The following PIK3CB variants were observed in gnomAD, a reference collection of about 807,000 sequenced individuals.
The protein encoded by PIK3CB is phosphatidylinositol-4,5-bisphosphate 3-kinase catalytic subunit beta, also known as phosphatidylinositol 4,5-bisphosphate 3-kinase catalytic subunit beta isoform.
A neutral mutation model predicts 136.8 loss-of-function variants in PIK3CB; 39 were observed. The observed-to-expected ratio is 0.29, with a 90% CI of 0.22 to 0.37. The LOEUF (loss-of-function observed/expected upper bound fraction) is 0.37, where lower values mean the gene tolerates loss of function less well. Ranked by LOEUF, PIK3CB falls within the 10% of genes least tolerant of loss-of-function variation. The pLI, the probability that PIK3CB is intolerant of heterozygous loss-of-function variation, is 1.00. For synonymous variants in PIK3CB, 428 were observed against 436.6 expected, an observed-to-expected ratio of 0.98 and a Z score of 0.25; for missense variants, 868 against 1,275.4, an observed-to-expected ratio of 0.68 and a Z score of 4.87.
intron 21 of PIK3CB, among the ~76,000 whole-genome samples, chr3:138,658,058 T>A (rs1337796344): frequency 6.6e-6 from 1 of 152,152 alleles, no homozygotes; most frequent in Admixed American, 6.5e-5. Context: ...ACTGTAGATA[T>A]CTAGTGGAAA....
intron 15 of PIK3CB, 85 bp downstream of exon 15, chr3:138,690,915 C>G: frequency 9.4e-7 from 1 of 1,068,468 alleles, no homozygotes; most frequent in Non-Finnish European, 1.4e-6. Flanking sequence ...AAAACTAAAG[C>G]AGCTATTTTT....
intron 2 of PIK3CB, among the ~76,000 whole-genome samples, chr3:138,787,315 G>A (rs746230177): frequency 5.4e-5 from 8 of 148,410 alleles, no homozygotes; most frequent in African/African-American, 7.5e-5. Flanking sequence ...CCAGTGAGCC[G>A]AGATCGCACC....
intron 1 of PIK3CB, among the ~76,000 whole-genome samples, chr3:138,812,682 C>A (rs1393115381): frequency 6.6e-6 from 1 of 152,120 alleles, no homozygotes; most frequent in East Asian, 1.9e-4. Context: ...CATGTGCCAC[C>A]ACGCCCAGCT....
chr3:138,780,265 GTTTT>G (rs1453662960), intron 2 of PIK3CB, among the ~76,000 whole-genome samples: 1 of 151,288 alleles, frequency 6.6e-6, no homozygotes, highest in Non-Finnish European at 1.5e-5. Context: ...ACTAACTTTT[GTTTT>G]TTTGTTTTTT....
chr3:138,757,198 A>G (rs922158710), intron 3 of PIK3CB, among the ~76,000 whole-genome samples: 6 of 152,000 alleles, frequency 3.9e-5, no homozygotes, highest in African/African-American at 1.4e-4. Context: ...GAGGTCAAGA[A>G]ATCAAGACCA....
intron 2 of PIK3CB, among the ~76,000 whole-genome samples, chr3:138,760,965 G>T (rs1007103783): frequency 6.6e-6 from 1 of 152,074 alleles, no homozygotes; most frequent in Non-Finnish European, 1.5e-5. Context: ...AATGGAAAAA[G>T]AATAATAAAT....
At chr3:138,723,653 A>G (rs1032187694) in intron 8 of PIK3CB, among the ~76,000 whole-genome samples, 1 of 152,252 alleles carries the variant, frequency 6.6e-6, no homozygotes. Context: ...GAACATTAGG[A>G]GAGCAAAAGA....
chr3:138,757,128 G>A (rs918441068), intron 3 of PIK3CB, among the ~76,000 whole-genome samples: 5 of 152,094 alleles, frequency 3.3e-5, no homozygotes, highest in African/African-American at 1.2e-4. Context: ...CAATGAGGCT[G>A]GGTGCAGTGG....
intron 10 of PIK3CB, among the ~76,000 whole-genome samples, chr3:138,708,593 CT>C (rs11308775): frequency 0.57 from 80,895 of 141,558 alleles, 23,327 homozygotes; most frequent in East Asian, 0.98. Flanking sequence ...GGAGGCAACT[CT>C]TTTTTTTTTT....
chr3:138,670,427 G>T (rs748053214), intron 19 of PIK3CB, among the ~76,000 whole-genome samples: 20 of 152,180 alleles, frequency 1.3e-4, no homozygotes, highest in Non-Finnish European at 7.4e-5. Context: ...TGTGGGATCA[G>T]TCAAGTAAAA....
At chr3:138,665,989 G>C (rs2043401899) in intron 19 of PIK3CB, among the ~76,000 whole-genome samples, 1 of 152,178 alleles carries the variant, frequency 6.6e-6, no homozygotes, top group African/African-American at 2.4e-5. Context: ...CTGAAAAGAG[G>C]TGACTGGGTA....
intron 2 of PIK3CB, among the ~76,000 whole-genome samples, chr3:138,788,754 G>C (rs914274850): frequency 2.7e-5 from 4 of 150,934 alleles, no homozygotes; most frequent in African/African-American, 9.7e-5. Context: ...CCTGAGGTCA[G>C]GAGTTTGAGA....
At chr3:138,693,250 C>T (rs1397870190) in intron 14 of PIK3CB, among the ~76,000 whole-genome samples, 15 of 152,120 alleles carry the variant, frequency 9.9e-5, no homozygotes, top group African/African-American at 2.4e-4. Context: ...CGCACCTCCA[C>T]GCCCAGCTAA....
chr3:138,742,718 T>A lies in PIK3CB; in HGVS notation c.461A>T (p.Lys154Ile). 1 of 1,613,720 alleles carries A rather than the reference T, an allele frequency of 6.2e-7. No individual in the cohort carries two copies. Among genetic ancestry groups the A allele is most frequent in the Non-Finnish European group, 8.5e-7 (1 of 1,179,762 alleles). Reference protein sequence around the residue: ...EVNEFRRKMRKFSEEKILSLV... With the variant: ...EVNEFRRKMRIFSEEKILSLV... ...TGACAGGATTTTTTCCTCGCTGAAT[T>A]TGCGCATTTTTCTTCGAAATTCATT... Residue 154 changes from lysine (K) to isoleucine (I), a missense_variant, in exon 5 of 24, where the codon AAA becomes ATA. Physicochemically the swap from Lys to Ile is moderately radical, Grantham distance 102. This residue lies in a region of PIK3CB where 612 missense variants were observed against 801.1 expected (regional missense o/e 0.76). Coordinates refer to ENST00000674063, the MANE Select transcript of PIK3CB (RefSeq NM_006219.3).
At chr3:138,780,484 T>C (rs1381464265) in intron 2 of PIK3CB, among the ~76,000 whole-genome samples, 2 of 151,902 alleles carry the variant, frequency 1.3e-5, no homozygotes, top group Non-Finnish European at 2.9e-5. Context: ...TTGGCCACAA[T>C]GGTTTCGATC....
intron 1 of PIK3CB, among the ~76,000 whole-genome samples, chr3:138,809,225 C>T (rs1430542555): frequency 6.6e-6 from 1 of 151,674 alleles, no homozygotes; most frequent in Non-Finnish European, 1.5e-5. Context: ...CTGCAGTGAA[C>T]CGAGACTGCG....
intron 4 of PIK3CB, among the ~76,000 whole-genome samples, chr3:138,750,301 T>C (rs2045444911): frequency 6.6e-6 from 1 of 152,152 alleles, no homozygotes; most frequent in Admixed American, 6.5e-5. Context: ...CTCTCATAAA[T>C]ATTTTGAAAC....
intron 4 of PIK3CB, among the ~76,000 whole-genome samples, chr3:138,744,491 G>C (rs574807341): frequency 6.6e-6 from 1 of 151,236 alleles, no homozygotes; most frequent in Admixed American, 6.6e-5. Context: ...GGAGGAGGGG[G>C]AGAGGTTAGT....
intron 19 of PIK3CB, among the ~76,000 whole-genome samples, chr3:138,679,736 A>G (rs2043724131): frequency 6.9e-6 from 1 of 145,586 alleles, no homozygotes; most frequent in Non-Finnish European, 1.5e-5. Flanking sequence ...GCACATGCCA[A>G]CATGCCTGGC....
Sources: gnomAD v4.1 joint callset for allele counts (sites outside exome capture counted in the v4.1 genomes callset) on GRCh38, gnomAD v4.1.1 for gene constraint, gnomAD v4.1.1 regional missense constraint, MANE v1.5 for transcripts, NCBI Gene and HGNC (gene_info 2026-07-23, HGNC 2026-07-21) for gene names.